Variants in ARAP2 observed in about 807,000 individuals in gnomAD.
ARAP2 encodes arf-GAP with Rho-GAP domain, ANK repeat and PH domain-containing protein 2.
In ARAP2, 148 loss-of-function variants were observed where a neutral mutation model predicts 194.5. The observed-to-expected ratio is 0.76, with a 90% CI of 0.67 to 0.87. The LOEUF (loss-of-function observed/expected upper bound fraction) is 0.87. ARAP2 is among the 40% of genes least tolerant of loss of function. The pLI, the probability that ARAP2 is intolerant of heterozygous loss-of-function variation, is 0.00. For missense variants in ARAP2, 2,128 were observed against 1,989.7 expected (o/e 1.07, Z -1.32); for synonymous variants, 695 against 683.5 (o/e 1.02, Z -0.26).
chr4:36,210,970 A>G (rs1015098711), intron 5 of ARAP2, among the ~76,000 whole-genome samples: 12 of 152,152 alleles, frequency 7.9e-5, no homozygotes, highest in Non-Finnish European at 4.4e-5. Flanking sequence ...TTTCTTAGGT[A>G]TAATTTAATC....
chr4:36,220,515 T>C (rs2109309192), intron 2 of ARAP2, among the ~76,000 whole-genome samples: 1 of 152,264 alleles, frequency 6.6e-6, no homozygotes, highest in Admixed American at 6.5e-5. Flanking sequence ...GTTCATATAT[T>C]GACTATACTT....
intron 27 of ARAP2, among the ~76,000 whole-genome samples, chr4:36,100,515 T>C (rs938143326): frequency 6.6e-6 from 1 of 151,888 alleles, no homozygotes; most frequent in Non-Finnish European, 1.5e-5. Flanking sequence ...ATCAAGTAAT[T>C]TTGCAATATT....
intron 23 of ARAP2, among the ~76,000 whole-genome samples, chr4:36,120,250 A>G (rs1052313595): frequency 2.0e-5 from 3 of 151,636 alleles, no homozygotes; most frequent in African/African-American, 7.2e-5. Context: ...CAGTGGACAC[A>G]TATAGAAAGA....
chr4:36,104,202 C>CTT (rs11403716), intron 27 of ARAP2, among the ~76,000 whole-genome samples: 1 of 151,466 alleles, frequency 6.6e-6, no homozygotes, highest in Non-Finnish European at 1.5e-5. Context: ...GCTCCCCCAC[C>CTT]TTTTTTTCAA....
At chr4:36,122,959 G>A (rs899508372) in intron 22 of ARAP2, among the ~76,000 whole-genome samples, 7 of 151,646 alleles carry the variant, frequency 4.6e-5, no homozygotes, top group African/African-American at 1.5e-4. Flanking sequence ...ACAAGAAAAG[G>A]TGAATAAACA....
intron 5 of ARAP2, among the ~76,000 whole-genome samples, chr4:36,021,814 GT>G (rs2109340685): frequency 6.6e-6 from 1 of 152,302 alleles, no homozygotes; most frequent in East Asian, 1.9e-4. Context: ...ATGCCAATGA[GT>G]TTATGAGTTG....
In ARAP2 at chr4:36,117,072, T is replaced by C. The variant is rs1026743077; in HGVS notation, c.4027A>G (p.Ile1343Val). The change falls in exon 25 of 33, where the codon ATT becomes GTT. Residue 1343 changes from isoleucine (I) to valine (V), a missense_variant. Transcript: ENST00000303965. ...CCTTTAGAACTTACCCGAATTATAA[T>C]ACTACAGTCGGGTTCCTTCCTTTCT... ...YVERKEPDCS[I>V]IIRISPVMEA... is the part of the protein sequence containing the mutation. 1.9e-6 allele frequency: 3 copies of C among 1,591,778 alleles called. No homozygotes were observed. Among genetic ancestry groups the C allele is most frequent in the Non-Finnish European group, 2.6e-6 (3 of 1,170,490 alleles).
intron 1 of ARAP2, among the ~76,000 whole-genome samples, chr4:36,232,789 G>A (rs1351331610): frequency 6.6e-6 from 1 of 152,154 alleles, no homozygotes; most frequent in Admixed American, 6.5e-5. Context: ...CCAGAGCTTT[G>A]CAAAGCACTT....
intron 22 of ARAP2, 149 bp downstream of exon 22, chr4:36,124,713 G>C (rs1463310664): frequency 8.2e-6 from 4 of 490,478 alleles, no homozygotes; most frequent in African/African-American, 7.9e-5. Context: ...AATTCCCAGT[G>C]CTATTTATCT....
chr4:36,133,533 C>A, intron 19 of ARAP2, 144 bp from the exon 20 acceptor site: 2 of 690,512 alleles, frequency 2.9e-6, no homozygotes, highest in Admixed American at 5.8e-5. Flanking sequence ...CCACTCAATC[C>A]CTCTTTTGCC....
chr4:36,034,515 G>A (rs1360285794), intron 5 of ARAP2, among the ~76,000 whole-genome samples: 1 of 152,110 alleles, frequency 6.6e-6, no homozygotes, highest in Non-Finnish European at 1.5e-5. Flanking sequence ...CTTTACTGAA[G>A]TTGTTTATCA....
chr4:36,213,663 A>G (rs898615819), intron 3 of ARAP2, among the ~76,000 whole-genome samples: 1 of 152,106 alleles, frequency 6.6e-6, no homozygotes, highest in Non-Finnish European at 1.5e-5. Flanking sequence ...TTATAATGCT[A>G]ATTCCTAAAT....
At chr4:36,126,744 C>T (rs1724001287) in intron 21 of ARAP2, among the ~76,000 whole-genome samples, 1 of 152,088 alleles carries the variant, frequency 6.6e-6, no homozygotes, top group Non-Finnish European at 1.5e-5. Context: ...AACACTCCTA[C>T]CCCTGCTGAC....
At chr4:36,133,478 A>G (rs1273454750) in intron 19 of ARAP2, 89 bp from the exon 20 acceptor site, 8 of 1,170,240 alleles carry the variant, frequency 6.8e-6, no homozygotes, top group Non-Finnish European at 8.4e-6. Flanking sequence ...AATCCACACA[A>G]TCATGCAAGA....
chr4:36,160,345 T>C (rs1458276826), intron 13 of ARAP2, 114 bp downstream of exon 13: 1 of 1,262,054 alleles, frequency 7.9e-7, no homozygotes, highest in Non-Finnish European at 1.0e-6. Flanking sequence ...GGAAATAAAA[T>C]AAAATTAATA....
At chr4:36,180,560 C>T (rs564651170) in intron 8 of ARAP2, among the ~76,000 whole-genome samples, 1 of 152,298 alleles carries the variant, frequency 6.6e-6, no homozygotes, top group African/African-American at 2.4e-5. Flanking sequence ...GATATTCCTG[C>T]CGAATAAATG....
At chr4:36,194,289 AG>A (rs2109922118) in intron 6 of ARAP2, among the ~76,000 whole-genome samples, 1 of 152,332 alleles carries the variant, frequency 6.6e-6, no homozygotes, top group South Asian at 2.1e-4. Flanking sequence ...CAGGCTTAAA[AG>A]AAAAAATAAA....
At chr4:36,175,630 A>G (rs1403602617) in intron 9 of ARAP2, among the ~76,000 whole-genome samples, 2 of 152,176 alleles carry the variant, frequency 1.3e-5, no homozygotes, top group East Asian at 3.9e-4. Flanking sequence ...ACAATAGTAT[A>G]CATTTTAAAG....
chr4:36,021,102 A>T (rs1267154855), intron 5 of ARAP2, among the ~76,000 whole-genome samples: 2 of 152,158 alleles, frequency 1.3e-5, no homozygotes, highest in African/African-American at 4.8e-5. Context: ...GTACCTGTGA[A>T]TTGTGCTTAT....
Sources: gnomAD v4.1 joint callset for allele counts (sites outside exome capture counted in the v4.1 genomes callset) on GRCh38, gnomAD v4.1.1 for gene constraint, MANE v1.5 for transcripts, NCBI Gene and HGNC (gene_info 2026-07-23, HGNC 2026-07-21) for gene names.